NEDD4L: variants seen among roughly 807,000 people sequenced by gnomAD.
NEDD4L encodes NEDD4 like E3 ubiquitin protein ligase, also known as E3 ubiquitin-protein ligase NEDD4-like.
Under a neutral mutation model 148.9 loss-of-function variants are expected in NEDD4L, and 54 were observed. The ratio of observed to expected loss-of-function variants is 0.36; its 90% confidence interval spans 0.29 to 0.45. The LOEUF (loss-of-function observed/expected upper bound fraction) is 0.45, where lower values mean the gene tolerates loss of function less well. Ranked by LOEUF, NEDD4L falls within the 20% of genes least tolerant of loss-of-function variation. The pLI is 1.00. For synonymous variants in NEDD4L, 433 were observed against 440.7 expected (o/e 0.98, Z 0.22); for missense variants, 856 against 1,233.8 (o/e 0.69, Z 4.59).
chr18:58,219,944 AT>A (rs1241599788), intron 2 of NEDD4L, among the ~76,000 whole-genome samples: 2 of 152,144 alleles, frequency 1.3e-5, no homozygotes, highest in Non-Finnish European at 2.9e-5. Context: ...TGTGGTTCTT[AT>A]TTTTTTAACC....
chr18:58,126,032 C>T (rs989746215), intron 1 of NEDD4L, among the ~76,000 whole-genome samples: 4 of 152,226 alleles, frequency 2.6e-5, no homozygotes, highest in Non-Finnish European at 4.4e-5. Flanking sequence ...GAACGCCCTT[C>T]GCCTGCATCC....
At chr18:58,066,610 G>T (rs1228208445) in intron 1 of NEDD4L, among the ~76,000 whole-genome samples, 6 of 151,928 alleles carry the variant, frequency 3.9e-5, no homozygotes, top group African/African-American at 1.5e-4. Flanking sequence ...GAGCCATCGC[G>T]CCCGGCCAAG....
At chr18:58,062,625 T>A (rs2082383420) in intron 1 of NEDD4L, among the ~76,000 whole-genome samples, 1 of 152,186 alleles carries the variant, frequency 6.6e-6, no homozygotes, top group Non-Finnish European at 1.5e-5. Flanking sequence ...CGGCTGCTGC[T>A]TTTCAGATCC....
chr18:58,123,234 A>G (rs1251145379), intron 1 of NEDD4L, among the ~76,000 whole-genome samples: 2 of 152,122 alleles, frequency 1.3e-5, no homozygotes, highest in Admixed American at 1.3e-4. Context: ...TGGCCTGTCC[A>G]TTCTTGACTT....
intron 2 of NEDD4L, among the ~76,000 whole-genome samples, chr18:58,242,083 C>T (rs1367439404): frequency 6.7e-6 from 1 of 150,198 alleles, no homozygotes; most frequent in Admixed American, 6.6e-5. Flanking sequence ...TCCCGTGGGA[C>T]CTCCACACTG....
chr18:58,341,320 T>A, intron 14 of NEDD4L, 151 bp downstream of exon 14: 1 of 433,174 alleles, frequency 2.3e-6, no homozygotes, highest in Non-Finnish European at 3.1e-6. Flanking sequence ...TTAAATACAA[T>A]AATAGCCTAA....
At chr18:58,300,505 C>G (rs936827212) in intron 5 of NEDD4L, among the ~76,000 whole-genome samples, 2 of 152,218 alleles carry the variant, frequency 1.3e-5, no homozygotes, top group Admixed American at 6.5e-5. Context: ...AGTTAAATAA[C>G]TACACCAAGT....
chr18:58,226,737 A>T (rs1473260064), intron 2 of NEDD4L, among the ~76,000 whole-genome samples: 4 of 151,842 alleles, frequency 2.6e-5, no homozygotes, highest in Non-Finnish European at 5.9e-5. Flanking sequence ...GGGTGTACAA[A>T]CCTCTCATCT....
At chr18:58,091,835 T>C (rs1323925982) in intron 1 of NEDD4L, among the ~76,000 whole-genome samples, 1 of 152,184 alleles carries the variant, frequency 6.6e-6, no homozygotes, top group Non-Finnish European at 1.5e-5. Context: ...ATAGCATTAT[T>C]CACATTGCCT....
intron 1 of NEDD4L, among the ~76,000 whole-genome samples, chr18:58,161,435 CTTTTTTTT>C (rs55873387): frequency 7.1e-6 from 1 of 140,284 alleles, no homozygotes; most frequent in African/African-American, 2.6e-5. Context: ...TTTTCTTTTT[CTTTTTTTT>C]TTTTTTTTTA....
chr18:58,179,627 G>A (rs1358536006), intron 2 of NEDD4L, among the ~76,000 whole-genome samples: 1 of 152,052 alleles, frequency 6.6e-6, no homozygotes, highest in Non-Finnish European at 1.5e-5. Flanking sequence ...TCAGCCACCA[G>A]CATTAGATTC....
intron 1 of NEDD4L, among the ~76,000 whole-genome samples, chr18:58,106,341 C>T (rs1298104720): frequency 1.3e-5 from 2 of 152,246 alleles, no homozygotes; most frequent in East Asian, 3.9e-4. Flanking sequence ...GCTTTCTTAT[C>T]TGTAGGTATT....
intron 1 of NEDD4L, among the ~76,000 whole-genome samples, chr18:58,105,763 T>C (rs2085033632): frequency 6.6e-6 from 1 of 152,196 alleles, no homozygotes; most frequent in Admixed American, 6.5e-5. Flanking sequence ...ACATCTTAGT[T>C]TTACTCCAGA....
chr18:58,335,151 G>A (rs2041558807), intron 12 of NEDD4L, among the ~76,000 whole-genome samples: 1 of 152,194 alleles, frequency 6.6e-6, no homozygotes, highest in Non-Finnish European at 1.5e-5. Context: ...AGTTTTGAGT[G>A]TGGGGAGATT....
intron 1 of NEDD4L, among the ~76,000 whole-genome samples, chr18:58,128,016 G>T (rs1039281619): frequency 4.6e-5 from 7 of 151,188 alleles, no homozygotes; most frequent in Non-Finnish European, 1.0e-4. Context: ...TAATTTTTTT[G>T]TTTTGTTTTG....
At chr18:58,081,316 C>T (rs141763796) in intron 1 of NEDD4L, among the ~76,000 whole-genome samples, 16,454 of 148,526 alleles carry the variant, frequency 0.11, 1,225 homozygotes, top group Non-Finnish European at 0.16. Flanking sequence ...CCTGGGTTCA[C>T]GCCATGCTCC....
At chr18:58,213,887 G>A (rs1042796136) in intron 2 of NEDD4L, among the ~76,000 whole-genome samples, 2 of 152,088 alleles carry the variant, frequency 1.3e-5, no homozygotes, top group Non-Finnish European at 2.9e-5. Flanking sequence ...CCTGCCCTTT[G>A]GCATCATTGG....
chr18:58,065,192 T>C (rs1165374409), intron 1 of NEDD4L, among the ~76,000 whole-genome samples: 1 of 152,252 alleles, frequency 6.6e-6, no homozygotes, highest in Non-Finnish European at 1.5e-5. Flanking sequence ...GTACTGAAAA[T>C]TGCTCTGGTA....
intron 2 of NEDD4L, among the ~76,000 whole-genome samples, chr18:58,187,138 C>T (rs528907929): frequency 1.3e-5 from 2 of 152,312 alleles, no homozygotes; most frequent in Non-Finnish European, 2.9e-5. Flanking sequence ...CAAGACCCCA[C>T]GGAGGGTCTT....
Sources: allele counts gnomAD v4.1 joint callset (sites outside exome capture counted in the v4.1 genomes callset), GRCh38; gene constraint gnomAD v4.1.1; transcripts MANE v1.5; gene names NCBI Gene and HGNC (gene_info 2026-07-23, HGNC 2026-07-21).